Variants in VAT1L observed in about 807,000 individuals in gnomAD.
VAT1L encodes putative NADPH-dependent quinone oxidoreductase VAT1L.
VAT1L carries 34 observed loss-of-function variants against 44.1 expected under a neutral mutation model. That is an observed-to-expected ratio of 0.77 (90% CI 0.59 to 1.03). The LOEUF (loss-of-function observed/expected upper bound fraction) is 1.03. Ranked by LOEUF, VAT1L falls within the 50% of genes least tolerant of loss-of-function variation. The probability of loss-of-function intolerance (pLI) is 0.00; values close to 1 mark genes in which losing one functional copy is unlikely to be tolerated. For missense variants in VAT1L, 615 were observed against 538.8 expected (o/e 1.14, Z -1.40); for synonymous variants, 253 against 202.2 (o/e 1.25, Z -2.13).
intron 7 of VAT1L, among the ~76,000 whole-genome samples, chr16:77,926,098 T>TA (rs934805758): frequency 1.4e-4 from 21 of 150,336 alleles, no homozygotes; most frequent in African/African-American, 4.9e-4. Context: ...CCGTCTCTAC[T>TA]AAAAATTAGC....
chr16:77,912,356 T>A (rs962420567), intron 7 of VAT1L, among the ~76,000 whole-genome samples: 3 of 152,126 alleles, frequency 2.0e-5, no homozygotes, highest in Admixed American at 1.3e-4. Context: ...AATAACATGA[T>A]GAAAAACACA....
intron 4 of VAT1L, among the ~76,000 whole-genome samples, chr16:77,869,593 G>A (rs534576075): frequency 5.1e-4 from 78 of 152,210 alleles, no homozygotes; most frequent in African/African-American, 1.2e-3. Context: ...CTCTTGAGCC[G>A]AGGAGTTTGA....
intron 3 of VAT1L, among the ~76,000 whole-genome samples, chr16:77,854,895 A>C (rs1227708007): frequency 6.6e-6 from 1 of 152,196 alleles, no homozygotes; most frequent in Non-Finnish European, 1.5e-5. Context: ...TTCCATTTTC[A>C]TCAAACTTGG....
intron 7 of VAT1L, among the ~76,000 whole-genome samples, chr16:77,904,277 C>T (rs1052495401): frequency 2.0e-5 from 3 of 150,682 alleles, no homozygotes; most frequent in Non-Finnish European, 4.4e-5. Context: ...TTTTTTACAA[C>T]AGCTTTTAAT....
intron 7 of VAT1L, among the ~76,000 whole-genome samples, chr16:77,949,327 T>G (rs949358318): frequency 1.3e-5 from 2 of 152,138 alleles, no homozygotes; most frequent in Non-Finnish European, 2.9e-5. Flanking sequence ...GTGGAGGCAA[T>G]GGCAGACAAT....
intron 7 of VAT1L, among the ~76,000 whole-genome samples, chr16:77,915,286 A>C (rs564654793): frequency 6.6e-6 from 1 of 152,362 alleles, no homozygotes; most frequent in East Asian, 1.9e-4. Context: ...CCATTCGTAA[A>C]TTGTGTACTA....
intron 7 of VAT1L, among the ~76,000 whole-genome samples, chr16:77,886,007 T>G (rs2017205573): frequency 6.6e-6 from 1 of 152,080 alleles, no homozygotes; most frequent in Non-Finnish European, 1.5e-5. Flanking sequence ...AAATAAATAC[T>G]CATTACAGAA....
At chr16:77,966,713 C>G (rs1358136726) in intron 7 of VAT1L, among the ~76,000 whole-genome samples, 1 of 152,124 alleles carries the variant, frequency 6.6e-6, no homozygotes, top group African/African-American at 2.4e-5. Context: ...TAATAAATGT[C>G]AACAACTCTT....
chr16:77,820,286 C>G (rs1307233596), intron 2 of VAT1L, among the ~76,000 whole-genome samples: 9 of 152,136 alleles, frequency 5.9e-5, no homozygotes, highest in Admixed American at 5.9e-4. Context: ...GTGATTCTCC[C>G]TCTACAAATA....
At chr16:77,797,136 G>A (rs1411127958) in intron 1 of VAT1L, among the ~76,000 whole-genome samples, 4 of 150,602 alleles carry the variant, frequency 2.7e-5, no homozygotes, top group African/African-American at 9.8e-5. Flanking sequence ...TTTTGAGATG[G>A]GGTCTCGCTC....
chr16:77,807,576 T>C (rs2016184225), intron 1 of VAT1L, among the ~76,000 whole-genome samples: 1 of 152,160 alleles, frequency 6.6e-6, no homozygotes, highest in African/African-American at 2.4e-5. Flanking sequence ...AGTTGTCTTT[T>C]AGAACACTCC....
intron 8 of VAT1L, among the ~76,000 whole-genome samples, chr16:77,972,989 A>AT (rs542536996): frequency 1.2e-3 from 176 of 149,362 alleles, no homozygotes; most frequent in Non-Finnish European, 1.9e-3. Flanking sequence ...CCCAGCTGTG[A>AT]TTTTTTTTTT....
At chr16:77,900,769 G>A (rs2017373047) in intron 7 of VAT1L, among the ~76,000 whole-genome samples, 1 of 151,136 alleles carries the variant, frequency 6.6e-6, no homozygotes, top group South Asian at 2.1e-4. Context: ...CAAAACCATT[G>A]TTATTGTCAG....
At chr16:77,893,913 A>T (rs982380847) in intron 7 of VAT1L, among the ~76,000 whole-genome samples, 12 of 152,330 alleles carry the variant, frequency 7.9e-5, no homozygotes, top group African/African-American at 2.6e-4. Flanking sequence ...TAGCATGTTT[A>T]TATGTGCCAA....
chr16:77,806,241 G>A (rs952432581), intron 1 of VAT1L, among the ~76,000 whole-genome samples: 7 of 151,540 alleles, frequency 4.6e-5, no homozygotes, highest in Admixed American at 6.6e-5. Flanking sequence ...ATGGACTCTC[G>A]CTCTGTCACC....
chr16:77,844,521 C>G (rs568252097), intron 3 of VAT1L, among the ~76,000 whole-genome samples: 3 of 152,028 alleles, frequency 2.0e-5, no homozygotes, highest in African/African-American at 7.2e-5. Context: ...TGATTCTCCC[C>G]CCTTAGCCTC....
At chr16:77,826,464 C>T (rs189469798) in intron 3 of VAT1L, among the ~76,000 whole-genome samples, 1 of 152,318 alleles carries the variant, frequency 6.6e-6, no homozygotes, top group East Asian at 1.9e-4. Flanking sequence ...TACCAGCACA[C>T]TAGAAATCAT....
chr16:77,902,432 ATTC>A (rs1471498700), intron 7 of VAT1L, among the ~76,000 whole-genome samples: 3 of 152,238 alleles, frequency 2.0e-5, no homozygotes, highest in African/African-American at 7.2e-5. Flanking sequence ...GTCACTAAGT[ATTC>A]TTCTTAACCC....
chr16:77,816,780 A>T, intron 1 of VAT1L, 141 bp from the exon 2 acceptor site: 1 of 1,162,498 alleles, frequency 8.6e-7, no homozygotes, highest in South Asian at 1.8e-5. Flanking sequence ...ATACTTTGCC[A>T]AAAAGAAAAA....
Sources: allele counts gnomAD v4.1 joint callset (sites outside exome capture counted in the v4.1 genomes callset), GRCh38; gene constraint gnomAD v4.1.1; transcripts MANE v1.5; gene names NCBI Gene and HGNC (gene_info 2026-07-23, HGNC 2026-07-21).